Variants in CTNND1 observed in about 807,000 individuals in gnomAD.
CTNND1 encodes catenin delta 1, also known as catenin delta-1.
CTNND1 carries 16 observed loss-of-function variants against 112.1 expected under a neutral mutation model. The observed-to-expected ratio is 0.14, with a 90% confidence interval of 0.10 to 0.22. The LOEUF is 0.22. Among genes scored for constraint, CTNND1 ranks in the 10% least tolerant of loss-of-function variants. The pLI, the probability that CTNND1 is intolerant of heterozygous loss-of-function variation, is 1.00. For missense variants in CTNND1, 1,008 were observed against 1,257.0 expected, an observed-to-expected ratio of 0.80 and a Z score of 3.00; for synonymous variants, 420 against 446.5, an observed-to-expected ratio of 0.94 and a Z score of 0.75.
chr11:57,773,774 T>TAA (rs1166774085), intron 1 of CTNND1, among the ~76,000 whole-genome samples: 1 of 147,518 alleles, frequency 6.8e-6, no homozygotes, highest in Non-Finnish European at 1.5e-5. Flanking sequence ...TCATCTCTAC[T>TAA]AAAAAAAAAA....
At chr11:57,783,894 G>A (rs2059866302) in intron 1 of CTNND1, among the ~76,000 whole-genome samples, 1 of 152,034 alleles carries the variant, frequency 6.6e-6, no homozygotes, top group Non-Finnish European at 1.5e-5. Context: ...GTATTCTGCA[G>A]TAGGAGGCTT....
chr11:57,763,808 AAGG>A (rs1210923855), intron 1 of CTNND1: 2 of 152,158 alleles, frequency 1.3e-5, no homozygotes, highest in East Asian at 1.9e-4. Context: ...AGGGAATCTG[AAGG>A]AGGAGTACAA....
chr11:57,800,621 T>C (rs2061913330), intron 6 of CTNND1, among the ~76,000 whole-genome samples: 1 of 152,228 alleles, frequency 6.6e-6, no homozygotes. Flanking sequence ...AAATGCTTTG[T>C]CCATCTGAAT....
At chr11:57,794,923 C>T (rs1023941034) in intron 4 of CTNND1, among the ~76,000 whole-genome samples, 4 of 150,168 alleles carry the variant, frequency 2.7e-5, no homozygotes, top group African/African-American at 7.4e-5. Context: ...TTTGGCCAGG[C>T]GTGGTTTGCT....
Position 57,815,433 on chromosome 11 carries a change from A to G in CTNND1, c.2741A>G (p.Asn914Ser), listed in dbSNP as rs757374614. ...ACACCAAATGAGAGAGGAGACCACA[A>G]TAGAACACTGGATCGATCGGGGGAT... ...YSTPNERGDH[N>S]RTLDRSGDLG... The change falls in exon 19 of 21, where the codon AAT becomes AGT. Residue 914 changes from asparagine to serine, a missense_variant. This residue lies in a region of CTNND1 where 106 missense variants were observed against 116.2 expected (regional missense o/e 0.91). Transcript: ENST00000399050. 66 of 1,611,964 alleles carry G rather than the reference A, an allele frequency of 4.1e-5. No individual in the cohort carries two copies. Among genetic ancestry groups the G allele is most frequent in the Non-Finnish European group, 5.2e-5 (61 of 1,179,098 alleles).
Position 57,817,941 on chromosome 11 carries a change from CCCCTT to C in CTNND1, c.*1639_*1643del. The C allele has an allele frequency of 6.6e-6, 1 of 152,654 alleles. No individual in the cohort carries two copies. The highest frequency in any genetic ancestry group is 1.9e-4 in the East Asian group (1 of 5,190). 9.5% of individuals were successfully genotyped at this position (152,654 alleles called of 1,614,324 possible). On this transcript the variant is annotated 3_prime_UTR_variant, in exon 21 of 21. Coordinates refer to ENST00000399050, the MANE Select transcript of CTNND1 (RefSeq NM_001085458.2). ...AACTGGAGTTCCTTATCCCTCTCTT[CCCCTT>C]CCCTTATATATTGAGGCTATGGGGT...
intron 2 of CTNND1, among the ~76,000 whole-genome samples, chr11:57,789,481 T>C (rs1411010844): frequency 6.6e-6 from 1 of 152,186 alleles, no homozygotes; most frequent in African/African-American, 2.4e-5. Flanking sequence ...TATCTTTTAT[T>C]GTATAGATAG....
chr11:57,781,217 G>A (rs2059544322), intron 1 of CTNND1, among the ~76,000 whole-genome samples: 1 of 152,152 alleles, frequency 6.6e-6, no homozygotes, highest in African/African-American at 2.4e-5. Context: ...GATTACAGGC[G>A]TGAGCAACCG....
intron 18 of CTNND1, 53 bp downstream of exon 18, chr11:57,814,426 G>C (rs2063720143): frequency 7.2e-7 from 1 of 1,383,980 alleles, no homozygotes; most frequent in Admixed American, 1.9e-5. Flanking sequence ...ACTGGCTAAG[G>C]AGAGCTGTCT....
In CTNND1 at chr11:57,795,153, C is replaced by G. The variant is rs116117840; in HGVS notation, c.268-424C>G. Among the ~76,000 whole-genome samples the G allele has an allele frequency of 5.4e-3, 817 of 152,248 alleles. 9 individuals are homozygous for G. Among genetic ancestry groups the G allele is most frequent in the African/African-American group, 0.019 (782 of 41,542 alleles). On this transcript the variant is annotated intron_variant, in intron 4 of 20. Coordinates refer to ENST00000399050, the MANE Select transcript of CTNND1 (RefSeq NM_001085458.2). The stretch of plus-strand genomic sequence containing the variant: ...GGGCTCCAGTGAGCTATGATCATGC[C>G]ACTGCACTCTAGCTTGGGTGATAGA...
At chr11:57,790,134 T>A (rs1291031047) in intron 2 of CTNND1, among the ~76,000 whole-genome samples, 1 of 152,104 alleles carries the variant, frequency 6.6e-6, no homozygotes, top group African/African-American at 2.4e-5. Context: ...CAGCCTGGAG[T>A]GCAGCGGTGC....
At chr11:57,784,003 T>C (rs1043617275) in intron 1 of CTNND1, among the ~76,000 whole-genome samples, 15 of 152,026 alleles carry the variant, frequency 9.9e-5, no homozygotes, top group Admixed American at 3.9e-4. Context: ...CACTGTGGTC[T>C]GGACCTCCTA....
Position 57,791,485 on chromosome 11 carries a change from G to A in CTNND1, c.7G>A (p.Asp3Asn), listed in dbSNP as rs890759549. Reference sequence around the variant, plus strand: ...GGCTCCGCCCCTTACCTTCATGGACGACTCAGAGGTGGAGTCGACCGCCAG... The same window carrying A: ...GGCTCCGCCCCTTACCTTCATGGACAACTCAGAGGTGGAGTCGACCGCCAG... MD[D>N]SEVESTASIL... The change falls in exon 3 of 21, where the codon GAC (aspartate) becomes AAC (asparagine). Residue 3 changes from aspartate (D) to asparagine (N), a missense_variant. Coordinates refer to ENST00000399050, the MANE Select transcript of CTNND1 (RefSeq NM_001085458.2). 2 of 1,519,574 alleles carry A rather than the reference G, an allele frequency of 1.3e-6. No individual in the cohort carries two copies. The highest frequency in any genetic ancestry group is 1.8e-6 in the Non-Finnish European group (2 of 1,130,872). The allele number at this position is 1,519,574 out of a possible 1,614,324, so 94.1% of individuals were successfully genotyped here.
rs188345628 is a variant in CTNND1, at chr11:57,802,736, G to T, written c.1420+540G>T. On this transcript the variant is annotated intron_variant, in intron 7 of 20. Coordinates refer to ENST00000399050, the MANE Select transcript of CTNND1 (RefSeq NM_001085458.2). ...GCAGTAGTTTTTCAGATTGTGGGTT[G>T]TGATCTATTTGTGTGATCCGTTAGT... Among the ~76,000 whole-genome samples the T allele has an allele frequency of 2.4e-3, 358 of 152,304 alleles. 3 individuals are homozygous for T. Among genetic ancestry groups the T allele is most frequent in the African/African-American group, 8.1e-3 (337 of 41,544 alleles).
intron 17 of CTNND1, among the ~76,000 whole-genome samples, chr11:57,813,455 A>G (rs2063602452): frequency 1.3e-5 from 2 of 152,256 alleles, no homozygotes; most frequent in Admixed American, 1.3e-4. Flanking sequence ...TTGAAGCAGT[A>G]TTTTGCAAGT....
intron 1 of CTNND1, among the ~76,000 whole-genome samples, chr11:57,771,582 A>G (rs1369050992): frequency 2.0e-5 from 3 of 152,118 alleles, no homozygotes; most frequent in South Asian, 4.1e-4. Flanking sequence ...AGGGAAGGAG[A>G]AGTAAGAGAC....
At chr11:57,814,184 G>T (rs1049472212) in intron 17 of CTNND1, 127 bp from the exon 18 acceptor site, 1 of 678,018 alleles carries the variant, frequency 1.5e-6, no homozygotes, top group Non-Finnish European at 2.7e-6. Flanking sequence ...GCATTGTGAT[G>T]CACATAGTTG....
intron 1 of CTNND1, among the ~76,000 whole-genome samples, chr11:57,783,503 CA>C (rs1565304851): frequency 2.0e-5 from 3 of 151,474 alleles, no homozygotes; most frequent in African/African-American, 7.3e-5. Context: ...ACTAAAAATA[CA>C]AAAAATTAGC....
intron 1 of CTNND1, among the ~76,000 whole-genome samples, chr11:57,770,788 C>T (rs1952390938): frequency 6.6e-6 from 1 of 152,132 alleles, no homozygotes; most frequent in African/African-American, 2.4e-5. Flanking sequence ...CTTCTCAATA[C>T]CTTTATCAAA....
Sources: gnomAD v4.1 joint callset for allele counts (sites outside exome capture counted in the v4.1 genomes callset) on GRCh38, gnomAD v4.1.1 for gene constraint, gnomAD v4.1.1 regional missense constraint, MANE v1.5 for transcripts, NCBI Gene and HGNC (gene_info 2026-07-23, HGNC 2026-07-21) for gene names.